The following VSNL1 variants were observed in gnomAD, a reference collection of about 807,000 sequenced individuals.
VSNL1 encodes visinin-like protein 1.
In VSNL1, 6 loss-of-function variants were observed where a neutral mutation model predicts 20.4. The ratio of observed to expected loss-of-function variants is 0.29; its 90% CI spans 0.16 to 0.58. The LOEUF is 0.58. Ranked by LOEUF, VSNL1 falls within the 20% of genes least tolerant of loss-of-function variation. The pLI, the probability that VSNL1 is intolerant of heterozygous loss-of-function variation, is 0.90. For synonymous variants in VSNL1, 93 were observed against 86.4 expected (o/e 1.08, Z -0.42); for missense variants, 100 against 234.5 (o/e 0.43, Z 3.75).
chr2:17,640,727 C>T (rs765540808), intron 2 of VSNL1, among the ~76,000 whole-genome samples: 18 of 151,898 alleles, frequency 1.2e-4, no homozygotes, highest in Non-Finnish European at 2.4e-4. Context: ...AACAATTGTA[C>T]GTATTTGTGG....
intron 2 of VSNL1, among the ~76,000 whole-genome samples, chr2:17,614,740 C>A (rs74984740): frequency 0.054 from 8,238 of 152,278 alleles, 260 homozygotes; most frequent in East Asian, 0.092. Context: ...CAGTAGGAAA[C>A]CATGGGCAGT....
Position 17,621,217 on chromosome 2 carries a change from TTC to T in VSNL1, c.163-28183_163-28182del, listed in dbSNP as rs925411834. On this transcript the variant is annotated intron_variant, in intron 2 of 3. Transcript: ENST00000295156. The stretch of plus-strand genomic sequence containing the variant: ...ATCAACAGTTTCTTCCTTCCTTCCT[TTC>T]TCTCTCTCTTTCTTTCTTTCCTTCT... Among the ~76,000 whole-genome samples the T allele has an allele frequency of 5.7e-4, 87 of 151,570 alleles. 1 individual carries two copies. Among genetic ancestry groups the T allele is most frequent in the African/African-American group, 1.9e-3 (80 of 41,416 alleles).
chr2:17,574,480 A>T (rs1010462061), intron 1 of VSNL1, among the ~76,000 whole-genome samples: 3 of 151,920 alleles, frequency 2.0e-5, no homozygotes, highest in Admixed American at 2.0e-4. Flanking sequence ...CATCTTTCTT[A>T]TTCAGATTTT....
At chr2:17,629,447 G>A (rs1665583229) in intron 2 of VSNL1, among the ~76,000 whole-genome samples, 1 of 152,204 alleles carries the variant, frequency 6.6e-6, no homozygotes, top group African/African-American at 2.4e-5. Flanking sequence ...CCCCTACTGA[G>A]ATCTAAGCTA....
intron 1 of VSNL1, among the ~76,000 whole-genome samples, chr2:17,562,711 A>G (rs1236944004): frequency 6.6e-6 from 1 of 152,264 alleles, no homozygotes; most frequent in Non-Finnish European, 1.5e-5. Context: ...CTAGCCCTCC[A>G]GAGCCATCAG....
At chr2:17,618,521 C>T (rs564356817) in intron 2 of VSNL1, among the ~76,000 whole-genome samples, 2 of 152,206 alleles carry the variant, frequency 1.3e-5, no homozygotes, top group South Asian at 4.1e-4. Flanking sequence ...TTAACTTAAT[C>T]ACATCTGCAA....
intron 2 of VSNL1, among the ~76,000 whole-genome samples, chr2:17,643,371 G>A (rs964540891): frequency 6.6e-6 from 1 of 152,220 alleles, no homozygotes. Context: ...ATCTGCTTAA[G>A]TAGTAATGCG....
intron 1 of VSNL1, among the ~76,000 whole-genome samples, chr2:17,585,890 T>G (rs1172313710): frequency 6.6e-6 from 1 of 151,386 alleles, no homozygotes; most frequent in Non-Finnish European, 1.5e-5. Context: ...ACTGCAACCT[T>G]CTCCACCTCC....
chr2:17,572,921 A>G (rs893226403), intron 1 of VSNL1, among the ~76,000 whole-genome samples: 1 of 152,208 alleles, frequency 6.6e-6, no homozygotes. Context: ...TAATAGCCAC[A>G]TGAATCTCTG....
At chr2:17,633,751 G>A (rs777947085) in intron 2 of VSNL1, among the ~76,000 whole-genome samples, 4 of 152,084 alleles carry the variant, frequency 2.6e-5, no homozygotes, top group South Asian at 2.1e-4. Flanking sequence ...CCTGTGCATC[G>A]ATACAGGGTA....
At chr2:17,608,675 TG>T (rs968320752) in intron 2 of VSNL1, among the ~76,000 whole-genome samples, 6 of 152,186 alleles carry the variant, frequency 3.9e-5, no homozygotes, top group Non-Finnish European at 7.3e-5. Flanking sequence ...AAAGTCTTCA[TG>T]GCGAGACTGA....
In VSNL1 at chr2:17,600,629, C is replaced by T. The variant is rs550069647; in HGVS notation, c.162+8393C>T. Among the ~76,000 whole-genome samples, 13 of 152,290 alleles carry T rather than the reference C, an allele frequency of 8.5e-5. No homozygotes were observed. In the South Asian group the frequency reaches 2.3e-3, roughly 27 times the overall value. On this transcript the variant is annotated intron_variant, in intron 2 of 3. Transcript: ENST00000295156. ...TTTGTTACTAAGATGTGGTTAGGAG[C>T]AGACTTTATTAAAAATTCATTGGGC...
At chr2:17,650,092 C>T (rs907708926) in intron 3 of VSNL1, among the ~76,000 whole-genome samples, 3 of 152,320 alleles carry the variant, frequency 2.0e-5, no homozygotes, top group South Asian at 2.1e-4. Flanking sequence ...CCACCCACTG[C>T]GTACTGCATT....
intron 2 of VSNL1, among the ~76,000 whole-genome samples, chr2:17,631,757 T>G (rs1665634924): frequency 6.6e-6 from 1 of 152,246 alleles, no homozygotes; most frequent in African/African-American, 2.4e-5. Context: ...TAAAAGGTTT[T>G]CATGACGTAG....
chr2:17,633,348 C>CAA (rs10706048), intron 2 of VSNL1, among the ~76,000 whole-genome samples: 13 of 50,530 alleles, frequency 2.6e-4, no homozygotes, highest in East Asian at 7.8e-4. Flanking sequence ...ACTAAAAATA[C>CAA]AAAAAAAAAA....
chr2:17,543,916 A>C (rs2103333393), intron 1 of VSNL1, among the ~76,000 whole-genome samples: 1 of 152,214 alleles, frequency 6.6e-6, no homozygotes, highest in South Asian at 2.1e-4. Flanking sequence ...GAGTGCCTAT[A>C]CAATAACATT....
At chr2:17,569,152 C>G (rs1044435357) in intron 1 of VSNL1, among the ~76,000 whole-genome samples, 4 of 151,672 alleles carry the variant, frequency 2.6e-5, no homozygotes, top group Admixed American at 6.6e-5. Flanking sequence ...ACTAAAAATA[C>G]AAAAATTAGC....
chr2:17,646,140 C>T (rs961111658), intron 2 of VSNL1, among the ~76,000 whole-genome samples: 7 of 152,112 alleles, frequency 4.6e-5, no homozygotes, highest in African/African-American at 1.2e-4. Flanking sequence ...ATTGCCAGCA[C>T]CTAACACTGT....
chr2:17,571,726 A>G (rs1664089634), intron 1 of VSNL1, among the ~76,000 whole-genome samples: 1 of 152,208 alleles, frequency 6.6e-6, no homozygotes, highest in Admixed American at 6.5e-5. Context: ...ATGTAAATTA[A>G]CAAATACACT....
Sources: allele counts gnomAD v4.1 joint callset (sites outside exome capture counted in the v4.1 genomes callset), GRCh38; gene constraint gnomAD v4.1.1; transcripts MANE v1.5; gene names NCBI Gene and HGNC (gene_info 2026-07-23, HGNC 2026-07-21).